Variants in AUTS2 observed in about 807,000 individuals in gnomAD.
The protein encoded by AUTS2 is activator of transcription and developmental regulator AUTS2, also known as autism susceptibility gene 2 protein.
A neutral mutation model predicts 112.4 loss-of-function variants in AUTS2; 17 were observed. The ratio of observed to expected loss-of-function variants is 0.15; its 90% confidence interval spans 0.10 to 0.23. AUTS2 has a LOEUF of 0.23. Ranked by LOEUF, AUTS2 falls within the 10% of genes least tolerant of loss-of-function variation. The probability of loss-of-function intolerance (pLI) is 1.00; values close to 1 mark genes in which losing one functional copy is unlikely to be tolerated. For missense variants in AUTS2, 1,510 were observed against 1,701.6 expected (o/e 0.89, Z 1.98); for synonymous variants, 751 against 702.7 (o/e 1.07, Z -1.09).
chr7:70,620,931 C>T (rs1804637133), intron 5 of AUTS2, among the ~76,000 whole-genome samples: 3 of 152,126 alleles, frequency 2.0e-5, no homozygotes, highest in African/African-American at 7.2e-5. Flanking sequence ...GAGGCATGGT[C>T]AGAAGACCAG....
At chr7:70,237,457 A>G (rs1221378113) in intron 4 of AUTS2, among the ~76,000 whole-genome samples, 2 of 152,196 alleles carry the variant, frequency 1.3e-5, no homozygotes, top group Non-Finnish European at 2.9e-5. Context: ...CCATTCTGCT[A>G]AAAAGGACTC....
At chr7:70,405,953 AG>A (rs953493859) in intron 4 of AUTS2, among the ~76,000 whole-genome samples, 2 of 152,080 alleles carry the variant, frequency 1.3e-5, no homozygotes, top group African/African-American at 4.8e-5. Context: ...GTTTTTTTCT[AG>A]GGGGGATTGG....
chr7:70,302,411 AAC>A (rs1491585011), intron 4 of AUTS2, among the ~76,000 whole-genome samples: 34 of 138,010 alleles, frequency 2.5e-4, no homozygotes, highest in Admixed American at 2.9e-4. Context: ...TCAAAAAAAA[AAC>A]AATGTAGTGA....
intron 1 of AUTS2, among the ~76,000 whole-genome samples, chr7:69,731,207 G>T (rs149636622): frequency 1.3e-5 from 2 of 152,232 alleles, no homozygotes; most frequent in East Asian, 3.9e-4. Flanking sequence ...TAGAAGGATC[G>T]CTTGAGCCTG....
At chr7:69,698,586 A>G (rs1265018026) in intron 1 of AUTS2, among the ~76,000 whole-genome samples, 5 of 152,148 alleles carry the variant, frequency 3.3e-5, no homozygotes, top group African/African-American at 1.2e-4. Context: ...CCTGCAAGAT[A>G]CCACACATGC....
rs200373158 is a variant in AUTS2, at chr7:69,670,555, CAAAAAAAAAAAAAAAAAAA to C, written c.309+70611_309+70629del. On this transcript the variant is annotated intron_variant, in intron 1 of 18. Coordinates refer to ENST00000342771, the MANE Select transcript of AUTS2 (RefSeq NM_015570.4). ...CATGGTTGTTTTTTACTTGATCCCTCAAAAAAAAAAAAAAAAAAAAAAAAAAAAAAAAAAAAGCAGCTGG... is the reference window on the plus strand; with the variant it reads ...CATGGTTGTTTTTTACTTGATCCCTCAAAAAAAAAAAAAAAAAGCAGCTGG... 1.3e-4 allele frequency among the ~76,000 whole-genome samples: 16 copies of C among 119,066 alleles called. No individual in the cohort carries two copies. In the East Asian group the frequency reaches 1.9e-3, roughly 14 times the overall value. The allele number at this position is 119,066 out of a possible 152,430, so 78.1% of individuals were successfully genotyped here.
At chr7:70,095,295 C>G (rs149610268) in intron 2 of AUTS2, among the ~76,000 whole-genome samples, 1 of 151,984 alleles carries the variant, frequency 6.6e-6, no homozygotes, top group Non-Finnish European at 1.5e-5. Flanking sequence ...CTCACGTGTG[C>G]GTGTGCAGTA....
intron 1 of AUTS2, among the ~76,000 whole-genome samples, chr7:69,606,802 G>T (rs1001430199): frequency 3.9e-5 from 6 of 152,092 alleles, no homozygotes; most frequent in Admixed American, 3.3e-4. Context: ...TAGTGAGCTG[G>T]GGCAGAACTG....
intron 5 of AUTS2, among the ~76,000 whole-genome samples, chr7:70,665,733 C>A (rs1362978960): frequency 6.6e-6 from 1 of 152,020 alleles, no homozygotes; most frequent in South Asian, 2.1e-4. Context: ...AAACTTGGAT[C>A]AAAAATATGG....
At chr7:69,882,246 A>G (rs541823772) in intron 1 of AUTS2, among the ~76,000 whole-genome samples, 2 of 151,688 alleles carry the variant, frequency 1.3e-5, no homozygotes, top group Admixed American at 1.3e-4. Context: ...CTGAGGTGAA[A>G]GAATTGATTG....
chr7:70,743,941 G>A (rs1788277469), intron 6 of AUTS2, among the ~76,000 whole-genome samples: 1 of 152,150 alleles, frequency 6.6e-6, no homozygotes, highest in African/African-American at 2.4e-5. Flanking sequence ...CAAAAAGCAG[G>A]AAGGGGTGGT....
At chr7:70,470,521 A>G (rs1225454410) in intron 5 of AUTS2, among the ~76,000 whole-genome samples, 2 of 152,208 alleles carry the variant, frequency 1.3e-5, no homozygotes, top group African/African-American at 4.8e-5. Flanking sequence ...TATATAAAAT[A>G]TGCTTCCTAG....
chr7:70,766,175 C>T lies in AUTS2; in HGVS notation c.1530C>T (p.Arg510=), dbSNP rs147034162. ...TRFLASQSAD[R]GASLGPPPYL... ...TTTTGGCCTCTCAGAGTGCTGACCG[C>T]GGGGCTTCCCTGGGCCCTCCGCCCT... Residue 510 remains arginine (R), a synonymous_variant, in exon 9 of 19, where the codon CGC becomes CGT. Coordinates refer to ENST00000342771, the MANE Select transcript of AUTS2 (RefSeq NM_015570.4). The surrounding 1 kb of genome is among the most constrained non-coding windows in gnomAD (Gnocchi z 4.8). 13 of 1,614,056 alleles carry T rather than the reference C, an allele frequency of 8.1e-6. No individual in the cohort carries two copies. The African/African-American group carries it at 9.3e-5, about 12-fold the overall frequency.
intron 1 of AUTS2, among the ~76,000 whole-genome samples, chr7:69,633,534 C>T (rs1279221656): frequency 6.6e-6 from 1 of 152,190 alleles, no homozygotes; most frequent in Non-Finnish European, 1.5e-5. Flanking sequence ...CTATTTTTCA[C>T]AATGGCTGTA....
intron 4 of AUTS2, among the ~76,000 whole-genome samples, chr7:70,257,621 A>G (rs1203327667): frequency 6.8e-6 from 1 of 147,734 alleles, no homozygotes; most frequent in African/African-American, 2.5e-5. Context: ...CCTGGCCTGA[A>G]GTTTTTTTTT....
chr7:70,054,115 T>G (rs1424140917), intron 2 of AUTS2, among the ~76,000 whole-genome samples: 1 of 152,204 alleles, frequency 6.6e-6, no homozygotes, highest in Non-Finnish European at 1.5e-5. Flanking sequence ...TAGCCACATA[T>G]GCATTTGATA....
In AUTS2 at chr7:70,243,231, TTGTGTGTGTGTGTGTGTG is replaced by T. The variant is rs3078161; in HGVS notation, c.660+108692_660+108709del. The stretch of plus-strand genomic sequence containing the variant: ...AAAATAGAGAGGAAAGAATGTATCC[TTGTGTGTGTGTGTGTGTG>T]TGTGTGTGTGTGTGTGTGTGTGTGT... On this transcript the variant is annotated intron_variant, in intron 4 of 18. Transcript: ENST00000342771. 6.9e-4 allele frequency among the ~76,000 whole-genome samples: 91 copies of T among 131,752 alleles called. 1 individual carries two copies. The highest frequency in any genetic ancestry group is 6.7e-3 in the East Asian group (30 of 4,490). The allele number at this position is 131,752 out of a possible 152,430, so 86.4% of individuals were successfully genotyped here.
chr7:69,876,559 A>G (rs1247143184), intron 1 of AUTS2, among the ~76,000 whole-genome samples: 1 of 106,754 alleles, frequency 9.4e-6, no homozygotes, highest in Non-Finnish European at 1.8e-5. Flanking sequence ...CAGTGTTCAT[A>G]TAACAAATTT....
intron 4 of AUTS2, among the ~76,000 whole-genome samples, chr7:70,246,614 T>C (rs1211958319): frequency 6.6e-6 from 1 of 152,068 alleles, no homozygotes; most frequent in African/African-American, 2.4e-5. Flanking sequence ...TTGCTTGATA[T>C]TTTAAAATTC....
Sources: gnomAD v4.1 joint callset for allele counts (sites outside exome capture counted in the v4.1 genomes callset) on GRCh38, gnomAD v4.1.1 for gene constraint, Gnocchi (gnomAD v3.1) non-coding constraint, MANE v1.5 for transcripts, NCBI Gene and HGNC (gene_info 2026-07-23, HGNC 2026-07-21) for gene names.